WWOX: variants seen among roughly 807,000 people sequenced by gnomAD.
WWOX encodes the protein WW domain-containing oxidoreductase.
WWOX carries 69 observed loss-of-function variants against 46.2 expected under a neutral mutation model. The observed-to-expected ratio is 1.49, with a 90% CI of 1.23 to 1.82. WWOX has a LOEUF of 1.82. Ranked by LOEUF, WWOX falls within the 40% of genes most tolerant of loss-of-function variation. The pLI, the probability that WWOX is intolerant of heterozygous loss-of-function variation, is 0.00. For synonymous variants in WWOX, 359 were observed against 202.6 expected, an observed-to-expected ratio of 1.77 and a Z score of -6.56; for missense variants, 919 against 542.6, an observed-to-expected ratio of 1.69 and a Z score of -6.89.
intron 4 of WWOX, among the ~76,000 whole-genome samples, chr16:78,117,313 A>G (rs934333129): frequency 1.3e-5 from 2 of 152,016 alleles, no homozygotes; most frequent in African/African-American, 4.8e-5. Context: ...TTCCTATTCA[A>G]GTGCCCACAG....
At chr16:79,091,453 A>C (rs929440092) in intron 8 of WWOX, among the ~76,000 whole-genome samples, 9 of 152,076 alleles carry the variant, frequency 5.9e-5, no homozygotes, top group Admixed American at 2.6e-4. Flanking sequence ...TGTTCATTCT[A>C]CCCAATTTTT....
chr16:78,591,524 G>C (rs1196878139), intron 8 of WWOX, among the ~76,000 whole-genome samples: 2 of 152,206 alleles, frequency 1.3e-5, no homozygotes, highest in Admixed American at 1.3e-4. Flanking sequence ...TTAAGAGACT[G>C]TGGGGTGGTA....
At chr16:78,809,689 G>T (rs1255682682) in intron 8 of WWOX, among the ~76,000 whole-genome samples, 4 of 152,196 alleles carry the variant, frequency 2.6e-5, no homozygotes, top group Non-Finnish European at 5.9e-5. Flanking sequence ...AGAGGACTGG[G>T]AGTGTGAATG....
At chr16:78,140,826 CAATT>C (rs2033961081) in intron 4 of WWOX, among the ~76,000 whole-genome samples, 1 of 152,244 alleles carries the variant, frequency 6.6e-6, no homozygotes, top group Admixed American at 6.5e-5. Context: ...TGGGGGGACA[CAATT>C]AGACCAATAG....
chr16:78,421,933 C>G (rs916489034), intron 6 of WWOX, among the ~76,000 whole-genome samples: 7 of 152,062 alleles, frequency 4.6e-5, no homozygotes, highest in Non-Finnish European at 8.8e-5. Flanking sequence ...ATGTTTTCAA[C>G]TTAATATCCA....
intron 8 of WWOX, chr16:78,535,642 A>G (rs953489430): frequency 6.6e-6 from 1 of 152,226 alleles, no homozygotes; most frequent in African/African-American, 2.4e-5. Context: ...CTGTTAGTGA[A>G]TAAAGGAAGT....
intron 5 of WWOX, among the ~76,000 whole-genome samples, chr16:78,370,006 T>A (rs1170826634): frequency 6.6e-6 from 1 of 151,664 alleles, no homozygotes; most frequent in Non-Finnish European, 1.5e-5. Flanking sequence ...CTGGTGCATG[T>A]CTGTAATCCC....
chr16:79,052,583 T>G lies in WWOX; in HGVS notation c.1057-159025T>G, dbSNP rs539686243. On this transcript the variant is annotated intron_variant, in intron 8 of 8. Coordinates refer to ENST00000566780, the MANE Select transcript of WWOX (RefSeq NM_016373.4). The stretch of plus-strand genomic sequence containing the variant: ...TTAAGAAAATGTGGCCTTTGCCTCT[T>G]TTAAAAAGTTCTAAGTTGCTAGCCA... Among the ~76,000 whole-genome samples, 5 of 152,320 alleles carry G rather than the reference T, an allele frequency of 3.3e-5. No homozygotes were observed. In the South Asian group the frequency reaches 1.0e-3, roughly 32 times the overall value.
chr16:78,460,431 G>A lies in WWOX; in HGVS notation c.1056+27679G>A, dbSNP rs571327762. Reference sequence around the variant, plus strand: ...CTGATACTTTCCTTAGTTGTTTTCAGTGTAATAACCTGTCTTCAGTCTACT... The same window carrying A: ...CTGATACTTTCCTTAGTTGTTTTCAATGTAATAACCTGTCTTCAGTCTACT... On this transcript the variant is annotated intron_variant, in intron 8 of 8. Transcript: ENST00000566780. Among the ~76,000 whole-genome samples the A allele has an allele frequency of 1.6e-3, 248 of 152,288 alleles. 2 individuals are homozygous for A. Among genetic ancestry groups the A allele is most frequent in the African/African-American group, 5.5e-3 (227 of 41,566 alleles).
chr16:78,787,016 T>A (rs1362734642), intron 8 of WWOX, among the ~76,000 whole-genome samples: 1 of 152,052 alleles, frequency 6.6e-6, no homozygotes, highest in East Asian at 1.9e-4. Flanking sequence ...GGTGTGGTGC[T>A]GGGTGCCTGT....
intron 5 of WWOX, among the ~76,000 whole-genome samples, chr16:78,244,773 C>T (rs2037764756): frequency 1.3e-5 from 2 of 152,158 alleles, no homozygotes; most frequent in South Asian, 4.1e-4. Flanking sequence ...CCGAAATGTA[C>T]AGCCCTTATC....
chr16:78,243,428 A>T (rs1288554736), intron 5 of WWOX, among the ~76,000 whole-genome samples: 1 of 152,052 alleles, frequency 6.6e-6, no homozygotes, highest in Non-Finnish European at 1.5e-5. Flanking sequence ...ATGACATGTC[A>T]TGGGGGTTTG....
At chr16:78,681,577 A>G (rs1028817012) in intron 8 of WWOX, among the ~76,000 whole-genome samples, 3 of 151,602 alleles carry the variant, frequency 2.0e-5, no homozygotes, top group East Asian at 3.9e-4. Context: ...GGGAAGAAGC[A>G]AAGGGGCAAT....
chr16:78,926,360 G>C lies in WWOX; in HGVS notation c.1057-285248G>C, dbSNP rs1241329849. 3.7e-5 allele frequency among the ~76,000 whole-genome samples: 4 copies of C among 109,520 alleles called. No individual in the cohort carries two copies. In the Admixed American group the frequency reaches 4.2e-4, roughly 12 times the overall value. 71.8% of individuals were successfully genotyped at this position (109,520 alleles called of 152,430 possible). ...TGCATTTCAGCGTGGGTGACAGTGA[G>C]ACCCTATCTCAAAAAAAAAAAAAAA... is the stretch of plus-strand genomic sequence containing the variant. On this transcript the variant is annotated intron_variant, in intron 8 of 8. Coordinates refer to ENST00000566780, the MANE Select transcript of WWOX (RefSeq NM_016373.4).
chr16:78,840,505 T>G (rs1362628412), intron 8 of WWOX, among the ~76,000 whole-genome samples: 1 of 152,192 alleles, frequency 6.6e-6, no homozygotes, highest in Admixed American at 6.5e-5. Flanking sequence ...AATTATGTAG[T>G]GTCTACAGAG....
At chr16:78,817,426 C>T (rs534154729) in intron 8 of WWOX, among the ~76,000 whole-genome samples, 4 of 152,158 alleles carry the variant, frequency 2.6e-5, no homozygotes, top group African/African-American at 9.7e-5. Flanking sequence ...ATATCTTCAG[C>T]TACCAACAAT....
intron 5 of WWOX, among the ~76,000 whole-genome samples, chr16:78,372,536 G>A (rs1469209472): frequency 1.3e-5 from 2 of 152,166 alleles, no homozygotes; most frequent in Non-Finnish European, 2.9e-5. Flanking sequence ...ATCCAGGTCT[G>A]AAATCTGCTC....
intron 5 of WWOX, among the ~76,000 whole-genome samples, chr16:78,261,436 A>G (rs922763694): frequency 3.3e-5 from 5 of 150,496 alleles, no homozygotes; most frequent in African/African-American, 4.9e-5. Context: ...ATAAATAAAT[A>G]TTTTGTAAAA....
intron 8 of WWOX, among the ~76,000 whole-genome samples, chr16:79,038,948 C>G (rs958075599): frequency 1.4e-4 from 21 of 152,086 alleles, no homozygotes; most frequent in African/African-American, 4.8e-4. Context: ...CCACATATAT[C>G]TATTGAGTTG....
Sources: allele counts gnomAD v4.1 joint callset (sites outside exome capture counted in the v4.1 genomes callset), GRCh38; gene constraint gnomAD v4.1.1; transcripts MANE v1.5; gene names NCBI Gene and HGNC (gene_info 2026-07-23, HGNC 2026-07-21).